GNA11: variants seen among roughly 807,000 people sequenced by gnomAD.
The protein encoded by GNA11 is G protein subunit alpha 11.
In GNA11, 8 loss-of-function variants were observed where a neutral mutation model predicts 38.2. The observed-to-expected ratio is 0.21, with a 90% confidence interval of 0.12 to 0.38. GNA11 has a LOEUF of 0.38. GNA11 is among the 10% of genes least tolerant of loss of function. GNA11 has a pLI of 1.00. For missense variants in GNA11, 268 were observed against 516.3 expected (o/e 0.52, Z 4.66); for synonymous variants, 211 against 221.4 (o/e 0.95, Z 0.42).
intron 1 of GNA11, among the ~76,000 whole-genome samples, chr19:3,102,949 C>T (rs2145308543): frequency 6.6e-6 from 1 of 152,330 alleles, no homozygotes; most frequent in South Asian, 2.1e-4. Flanking sequence ...TCATGTGTAT[C>T]CCCCAGGTGG....
intron 1 of GNA11, among the ~76,000 whole-genome samples, chr19:3,109,907 A>G (rs888364940): frequency 6.6e-6 from 1 of 152,154 alleles, no homozygotes; most frequent in Non-Finnish European, 1.5e-5. Context: ...GTGTCCTTGC[A>G]GAACTTCTGG....
At chr19:3,101,951 C>G (rs1913517321) in intron 1 of GNA11, among the ~76,000 whole-genome samples, 1 of 152,054 alleles carries the variant, frequency 6.6e-6, no homozygotes, top group Non-Finnish European at 1.5e-5. Flanking sequence ...AAAAAATTAG[C>G]CAGACTTGGT....
At chr19:3,107,143 G>GGA (rs140126328) in intron 1 of GNA11, among the ~76,000 whole-genome samples, 15,694 of 152,232 alleles carry the variant, frequency 0.1, 1,375 homozygotes, top group Admixed American at 0.22. Flanking sequence ...GGCTGAGGCA[G>GGA]GAGAAACACT....
Position 3,120,274 on chromosome 19 carries a change from G to A in GNA11, c.890-715G>A, listed in dbSNP as rs1324086064. 6.6e-6 allele frequency among the ~76,000 whole-genome samples: 1 copy of A among 151,580 alleles called. No individual in the cohort carries two copies. The highest frequency in any genetic ancestry group is 1.5e-5 in the Non-Finnish European group (1 of 67,780). Reference sequence around the variant, plus strand: ...TCCCTGGGCAGGGGAGTGGCGGGGGGCGCTGCACCTGCTCCAGCCGCACGT... The same window carrying A: ...TCCCTGGGCAGGGGAGTGGCGGGGGACGCTGCACCTGCTCCAGCCGCACGT... On this transcript the variant is annotated intron_variant, in intron 6 of 6. Coordinates refer to ENST00000078429, the MANE Select transcript of GNA11 (RefSeq NM_002067.5). This position sits in a 1 kb window ranked among gnomAD's most constrained non-coding sequence, Gnocchi z 5.9.
intron 1 of GNA11, among the ~76,000 whole-genome samples, chr19:3,107,787 A>T (rs1254553777): frequency 4.6e-5 from 7 of 152,230 alleles, no homozygotes; most frequent in Non-Finnish European, 5.9e-5. Flanking sequence ...CCCAGGGTTC[A>T]GCACCGGTCA....
chr19:3,110,153 G>T lies in GNA11; in HGVS notation c.141G>T (p.Thr47=). The change falls in exon 2 of 7, where the codon ACG becomes ACT. Residue 47 remains threonine, a synonymous_variant. Coordinates refer to ENST00000078429, the MANE Select transcript of GNA11 (RefSeq NM_002067.5). This position sits in a 1 kb window ranked among gnomAD's most constrained non-coding sequence, Gnocchi z 5.4. ...CTCACGTGCCCCGTCCCCCAGGCAC[G>T]GGCGAGAGCGGGAAGAGCACGTTCA... The part of the protein sequence containing the change: ...RRELKLLLLG[T]GESGKSTFIK... 1 of 1,605,254 alleles carries T rather than the reference G, an allele frequency of 6.2e-7. No homozygotes were observed. The highest frequency in any genetic ancestry group is 8.5e-7 in the Non-Finnish European group (1 of 1,176,206).
At chr19:3,097,390 A>G (rs1311511353) in intron 1 of GNA11, among the ~76,000 whole-genome samples, 1 of 151,858 alleles carries the variant, frequency 6.6e-6, no homozygotes, top group Non-Finnish European at 1.5e-5. Flanking sequence ...AGCGTTGTGG[A>G]GTGGATGTCG....
Position 3,097,785 on chromosome 19 carries a change from A to T in GNA11, c.136+2998A>T, listed in dbSNP as rs962998534. Among the ~76,000 whole-genome samples the T allele has an allele frequency of 2.6e-5, 4 of 152,274 alleles. No homozygotes were observed. The East Asian group carries it at 7.8e-4, about 30-fold the overall frequency. On this transcript the variant is annotated intron_variant, in intron 1 of 6. Transcript: ENST00000078429. ...GATGGGCCTCTCCGTTACGTACAAC[A>T]GGTCTCCCCGGGGCCCTGTGCACAT...
rs557464768 is a variant in GNA11, at chr19:3,122,952, C to A, written c.*1773C>A. 2.1e-4 allele frequency: 48 copies of A among 233,568 alleles called. 1 individual carries two copies. The South Asian group carries it at 4.7e-3, about 23-fold the overall frequency. The allele number at this position is 233,568 out of a possible 1,614,324, so 14.5% of individuals were successfully genotyped here. On this transcript the variant is annotated 3_prime_UTR_variant, in exon 7 of 7. Transcript: ENST00000078429. The surrounding 1 kb of genome is among the most constrained non-coding windows in gnomAD (Gnocchi z 7.7). ...GACGGGGCTGGCGGGATACCCCCCC[C>A]CCGGCTTCCCCACACCACTTCTGTC... is the stretch of plus-strand genomic sequence containing the variant.
intron 1 of GNA11, among the ~76,000 whole-genome samples, chr19:3,099,011 C>T (rs1037386260): frequency 6.6e-6 from 1 of 152,228 alleles, no homozygotes; most frequent in African/African-American, 2.4e-5. Flanking sequence ...GAGCCTCCTG[C>T]CCGGCTCTGC....
chr19:3,107,885 G>A (rs767694569), intron 1 of GNA11, among the ~76,000 whole-genome samples: 2 of 152,128 alleles, frequency 1.3e-5, no homozygotes, highest in South Asian at 2.1e-4. Context: ...AGGGAAGGGC[G>A]TGTGGGGGTC....
At position 3,123,499 on chromosome 19, in the gene GNA11, G is replaced by T. The variant is rs1021225065; in HGVS notation, c.*2320G>T. 4.3e-6 allele frequency: 1 copy of T among 233,332 alleles called. No individual in the cohort carries two copies. The allele number at this position is 233,332 out of a possible 1,614,324, so 14.5% of individuals were successfully genotyped here. On this transcript the variant is annotated 3_prime_UTR_variant, in exon 7 of 7. Coordinates refer to ENST00000078429, the MANE Select transcript of GNA11 (RefSeq NM_002067.5). ...CCCTTGCCACGTGTGGGGCCACGTG[G>T]GCATGTGGGGTGTGTGTTTTTACCT...
chr19:3,103,086 G>A (rs1219738354), intron 1 of GNA11, among the ~76,000 whole-genome samples: 4 of 152,224 alleles, frequency 2.6e-5, no homozygotes, highest in Non-Finnish European at 4.4e-5. Flanking sequence ...CGGCTCAGGC[G>A]TCGTAGACGG....
intron 3 of GNA11, 43 bp downstream of exon 3, chr19:3,113,527 CG>C: frequency 7.1e-7 from 1 of 1,407,436 alleles, no homozygotes; most frequent in Non-Finnish European, 9.4e-7. Context: ...ACGGCAGCTG[CG>C]GGCCGGTGCC....
At chr19:3,098,549 C>G (rs973814929) in intron 1 of GNA11, among the ~76,000 whole-genome samples, 2 of 152,156 alleles carry the variant, frequency 1.3e-5, no homozygotes, top group Non-Finnish European at 2.9e-5. Context: ...AGGCTGCTAG[C>G]GAGGCTGAGC....
Position 3,094,496 on chromosome 19 carries a change from G to A in GNA11, c.-156G>A, listed in dbSNP as rs1599292952. 1 of 151,074 alleles carries A rather than the reference G, an allele frequency of 6.6e-6. No homozygotes were observed. Among genetic ancestry groups the A allele is most frequent in the East Asian group, 2.0e-4 (1 of 5,016 alleles). 9.4% of individuals were successfully genotyped at this position (151,074 alleles called of 1,614,324 possible). Reference sequence around the variant, plus strand: ...GCGGGGACCCGGCGGCTCGCCAGGCGGCGGCCGAGGCGGGGCGGGCCGGCC... The same window carrying A: ...GCGGGGACCCGGCGGCTCGCCAGGCAGCGGCCGAGGCGGGGCGGGCCGGCC... On this transcript the variant is annotated 5_prime_UTR_variant, in exon 1 of 7. Transcript: ENST00000078429. This position sits in a 1 kb window ranked among gnomAD's most constrained non-coding sequence, Gnocchi z 6.0.
intron 4 of GNA11, chr19:3,115,332 G>T (rs906258243): frequency 1.2e-5 from 5 of 414,136 alleles, no homozygotes; most frequent in African/African-American, 6.2e-5. Context: ...TCAAGCCCAG[G>T]AGGTTGAGGC....
In GNA11 at chr19:3,110,677, G is replaced by A. The variant is rs1236398705; in HGVS notation, c.321+344G>A. Among the ~76,000 whole-genome samples, 1 of 152,218 alleles carries A rather than the reference G, an allele frequency of 6.6e-6. No homozygotes were observed. Among genetic ancestry groups the A allele is most frequent in the Non-Finnish European group, 1.5e-5 (1 of 68,032 alleles). ...CCAGGTCGCCTTGGGAGTAAGCAGCGTGAGCTCCTGGTTCCGGCCCCTTCC... is the reference window on the plus strand; with the variant it reads ...CCAGGTCGCCTTGGGAGTAAGCAGCATGAGCTCCTGGTTCCGGCCCCTTCC... On this transcript the variant is annotated intron_variant, in intron 2 of 6. Coordinates refer to ENST00000078429, the MANE Select transcript of GNA11 (RefSeq NM_002067.5). The surrounding 1 kb of genome is among the most constrained non-coding windows in gnomAD (Gnocchi z 5.4).
Position 3,121,540 on chromosome 19 carries a change from C to T in GNA11, c.*361C>T. 4.2e-6 allele frequency: 1 copy of T among 238,012 alleles called. No homozygotes were observed. The allele number at this position is 238,012 out of a possible 1,614,324, so 14.7% of individuals were successfully genotyped here. A position where few individuals can be genotyped will look rare whatever the true frequency, so the allele number is the denominator to read the frequency against. On this transcript the variant is annotated 3_prime_UTR_variant, in exon 7 of 7. Coordinates refer to ENST00000078429, the MANE Select transcript of GNA11 (RefSeq NM_002067.5). The stretch of plus-strand genomic sequence containing the variant: ...CCGTGCCCCCAGTGACTCTGGGCCT[C>T]ACAGAGCCCCCGCCAGCCAGCATGG...
Sources: allele counts gnomAD v4.1 joint callset (sites outside exome capture counted in the v4.1 genomes callset), GRCh38; gene constraint gnomAD v4.1.1; non-coding constraint Gnocchi (gnomAD v3.1); transcripts MANE v1.5; gene names NCBI Gene and HGNC (gene_info 2026-07-23, HGNC 2026-07-21).